MTBP: variants seen among roughly 807,000 people sequenced by gnomAD.
The protein encoded by MTBP is MDM2 binding protein, also known as mdm2-binding protein.
Under a neutral mutation model 117.0 loss-of-function variants are expected in MTBP, and 101 were observed. That is an observed-to-expected ratio of 0.86 (90% CI 0.73 to 1.02). The LOEUF (loss-of-function observed/expected upper bound fraction) is 1.02. MTBP is among the 50% of genes least tolerant of loss of function. The pLI, the probability that MTBP is intolerant of heterozygous loss-of-function variation, is 0.00. For synonymous variants in MTBP, 350 were observed against 351.5 expected, an observed-to-expected ratio of 1.00 and a Z score of 0.05; for missense variants, 970 against 1,030.9, an observed-to-expected ratio of 0.94 and a Z score of 0.81.
chr8:120,473,299 AC>A (rs1813861891), intron 11 of MTBP: 1 of 152,132 alleles, frequency 6.6e-6, no homozygotes, highest in African/African-American at 2.4e-5. Context: ...GGCAAATTGT[AC>A]CTGCATGTAA....
chr8:120,451,331 A>T lies in MTBP; in HGVS notation c.425+9A>T. 1 of 1,606,228 alleles carries T rather than the reference A, an allele frequency of 6.2e-7. No individual in the cohort carries two copies. The highest frequency in any genetic ancestry group is 8.5e-7 in the Non-Finnish European group (1 of 1,173,374). ...TCATTATCCTTGGCTGAGTATGCTTATATGGTTTTTGTATTATCATTAAAA... is the reference window on the plus strand; with the variant it reads ...TCATTATCCTTGGCTGAGTATGCTTTTATGGTTTTTGTATTATCATTAAAA... On this transcript the variant is annotated intron_variant, in intron 4 of 21. Transcript: ENST00000305949.
intron 18 of MTBP, among the ~76,000 whole-genome samples, chr8:120,516,885 G>A (rs1162794686): frequency 6.6e-6 from 1 of 151,680 alleles, no homozygotes; most frequent in Non-Finnish European, 1.5e-5. Context: ...ATCTTTTTTT[G>A]AATAGTTAAG....
At position 120,451,246 on chromosome 8, in the gene MTBP, A is replaced by G. The variant is rs1813335998; in HGVS notation, c.349A>G (p.Ile117Val). The G allele has an allele frequency of 6.2e-7, 1 of 1,611,552 alleles. No homozygotes were observed. The highest frequency in any genetic ancestry group is 8.5e-7 in the Non-Finnish European group (1 of 1,178,048). ...DKIEDVLQTN[I>V]EECLGAVECF... ...AATTGAAGATGTTCTTCAAACGAAT[A>G]TCGAAGAATGTTTGGGTGCTGTTGA... is the stretch of plus-strand genomic sequence containing the variant. Residue 117 changes from isoleucine to valine, a missense_variant, in exon 4 of 22, where the codon ATC (isoleucine) becomes GTC (valine). By Grantham distance (29) the Ile-to-Val change is conservative. Coordinates refer to ENST00000305949, the MANE Select transcript of MTBP (RefSeq NM_022045.5).
chr8:120,484,543 A>G (rs1038271642), intron 11 of MTBP, among the ~76,000 whole-genome samples: 1 of 152,122 alleles, frequency 6.6e-6, no homozygotes, highest in Non-Finnish European at 1.5e-5. Flanking sequence ...AGAATCTTTT[A>G]TTTGCTGTGT....
intron 2 of MTBP, among the ~76,000 whole-genome samples, chr8:120,448,637 A>G (rs182000759): frequency 6.6e-6 from 1 of 152,344 alleles, no homozygotes; most frequent in African/African-American, 2.4e-5. Flanking sequence ...TTTTATGTAT[A>G]CAGTGGTTTT....
In MTBP at chr8:120,455,587, T is replaced by G; in HGVS notation, c.629+8T>G. On this transcript the variant is annotated splice_region_variant and intron_variant, in intron 6 of 21. Coordinates refer to ENST00000305949, the MANE Select transcript of MTBP (RefSeq NM_022045.5). ...AGGAAATCATTGTGAAATGTAAGCT[T>G]CTTTGTTCATATTTGATTATTGTCT... 12 of 1,604,950 alleles carry G rather than the reference T, an allele frequency of 7.5e-6. No individual in the cohort carries two copies. Among genetic ancestry groups the G allele is most frequent in the South Asian group, 1.1e-5 (1 of 90,776 alleles).
At chr8:120,468,685 T>C (rs1226427642) in intron 10 of MTBP, among the ~76,000 whole-genome samples, 2 of 151,992 alleles carry the variant, frequency 1.3e-5, no homozygotes, top group African/African-American at 4.8e-5. Flanking sequence ...TGTTGACCAA[T>C]GCCGGCTACA....
At chr8:120,451,432 T>C (rs1469720303) in intron 4 of MTBP, 110 bp downstream of exon 4, 5 of 933,440 alleles carry the variant, frequency 5.4e-6, no homozygotes, top group Non-Finnish European at 7.8e-6. Flanking sequence ...GAAGAAACTC[T>C]AGTTAATTGA....
chr8:120,502,689 T>C, intron 15 of MTBP, 80 bp downstream of exon 15: 1 of 876,238 alleles, frequency 1.1e-6, no homozygotes, highest in Admixed American at 2.4e-5. Flanking sequence ...ATTATGTTTA[T>C]GAGATTTAAG....
chr8:120,457,041 A>C (rs1316397366), intron 7 of MTBP, among the ~76,000 whole-genome samples: 1 of 152,136 alleles, frequency 6.6e-6, no homozygotes, highest in Non-Finnish European at 1.5e-5. Context: ...GCTTTATTTT[A>C]TTGCATGTGT....
At chr8:120,511,793 A>G (rs66711862) in intron 17 of MTBP, among the ~76,000 whole-genome samples, 8,317 of 152,120 alleles carry the variant, frequency 0.055, 449 homozygotes, top group African/African-American at 0.14. Context: ...ACCTAACTGC[A>G]TCCCAGTTTT....
In MTBP at chr8:120,488,344, C is replaced by T; in HGVS notation, c.1339+12C>T. 1 of 1,503,982 alleles carries T rather than the reference C, an allele frequency of 6.6e-7. No individual in the cohort carries two copies. The highest frequency in any genetic ancestry group is 8.8e-7 in the Non-Finnish European group (1 of 1,131,120). The allele number at this position is 1,503,982 out of a possible 1,614,324, so 93.2% of individuals were successfully genotyped here. A position where few individuals can be genotyped will look rare whatever the true frequency, so the allele number is the denominator to read the frequency against. On this transcript the variant is annotated intron_variant, in intron 12 of 21. Transcript: ENST00000305949. Reference sequence around the variant, plus strand: ...AGAAGCCAAATTGAGTAAGTGTTAACTTCAGGTAGAAAAACATGTTTACAT... The same window carrying T: ...AGAAGCCAAATTGAGTAAGTGTTAATTTCAGGTAGAAAAACATGTTTACAT...
rs146791881 is a variant in MTBP at position 120,516,192 on chromosome 8, G to A, written c.2246+1G>A. ...TGAATTGCCTTTATCCCAGAAAAAGGTGATATATTACATGCACATAAATAG... is the reference window on the plus strand; with the variant it reads ...TGAATTGCCTTTATCCCAGAAAAAGATGATATATTACATGCACATAAATAG... On this transcript the variant is annotated splice_donor_variant, in intron 18 of 21. Transcript: ENST00000305949. LOFTEE classifies it high-confidence loss of function. 4.4e-6 allele frequency: 7 copies of A among 1,607,018 alleles called. No homozygotes were observed. Among genetic ancestry groups the A allele is most frequent in the Non-Finnish European group, 6.0e-6 (7 of 1,174,906 alleles).
In MTBP at chr8:120,488,210, A is replaced by G. The variant is rs1814259494; in HGVS notation, c.1217A>G (p.Gln406Arg). 6.3e-7 allele frequency: 1 copy of G among 1,595,278 alleles called. No individual in the cohort carries two copies. The highest frequency in any genetic ancestry group is 8.5e-7 in the Non-Finnish European group (1 of 1,173,512). ...TGTTCTAGCTATTATCTCTTGTTACAAGGTAATGGCAATAGAAGATGTAAA... is the reference window on the plus strand; with the variant it reads ...TGTTCTAGCTATTATCTCTTGTTACGAGGTAATGGCAATAGAAGATGTAAA... ...GECSSYYLLLQGNGNRRCKAT... is the reference protein window; with the variant it reads ...GECSSYYLLLRGNGNRRCKAT... The change falls in exon 12 of 22, where the codon CAA becomes CGA. Residue 406 changes from glutamine (Q) to arginine (R), a missense_variant. Coordinates refer to ENST00000305949, the MANE Select transcript of MTBP (RefSeq NM_022045.5).
intron 20 of MTBP, 134 bp downstream of exon 20, chr8:120,518,951 G>A: frequency 1.8e-6 from 1 of 560,908 alleles, no homozygotes; most frequent in East Asian, 3.0e-5. Context: ...GATGGAGATA[G>A]AAAAATTGAA....
intron 16 of MTBP, among the ~76,000 whole-genome samples, chr8:120,508,128 A>C (rs1814727741): frequency 6.6e-6 from 1 of 152,182 alleles, no homozygotes; most frequent in South Asian, 2.1e-4. Flanking sequence ...ATCTTCTGTT[A>C]ACATTAGAGT....
intron 13 of MTBP, among the ~76,000 whole-genome samples, chr8:120,496,267 AG>A (rs1814455517): frequency 6.6e-6 from 1 of 152,238 alleles, no homozygotes; most frequent in South Asian, 2.1e-4. Flanking sequence ...AGTGATGGGA[AG>A]GAAGAGGGGA....
chr8:120,518,683 A>T, intron 19 of MTBP, 21 bp from the exon 20 acceptor site: 1 of 1,489,068 alleles, frequency 6.7e-7, no homozygotes, highest in Non-Finnish European at 9.2e-7. Context: ...AATATTCGTC[A>T]TATGTTATGT....
intron 8 of MTBP, among the ~76,000 whole-genome samples, chr8:120,460,158 T>C (rs1301365091): frequency 6.6e-6 from 1 of 152,154 alleles, no homozygotes; most frequent in Non-Finnish European, 1.5e-5. Flanking sequence ...TTCTCAATAT[T>C]TGTTTAGAAT....
Sources: gnomAD v4.1 joint callset for allele counts (sites outside exome capture counted in the v4.1 genomes callset) on GRCh38, gnomAD v4.1.1 for gene constraint, MANE v1.5 for transcripts, NCBI Gene and HGNC (gene_info 2026-07-23, HGNC 2026-07-21) for gene names.